The following CDKAL1 variants were observed in gnomAD, a reference collection of about 807,000 sequenced individuals.
CDKAL1 encodes the protein threonylcarbamoyladenosine tRNA methylthiotransferase.
In CDKAL1, 32 loss-of-function variants were observed where a neutral mutation model predicts 68.2. That is an observed-to-expected ratio of 0.47 (90% CI 0.35 to 0.63). The LOEUF (loss-of-function observed/expected upper bound fraction) is 0.63, where lower values mean the gene tolerates loss of function less well. CDKAL1 is among the 30% of genes least tolerant of loss of function. The pLI is 0.00. For synonymous variants in CDKAL1, 234 were observed against 244.3 expected (o/e 0.96, Z 0.39); for missense variants, 606 against 696.7 (o/e 0.87, Z 1.47).
At chr6:21,083,107 C>T (rs894149642) in intron 12 of CDKAL1, among the ~76,000 whole-genome samples, 1 of 152,056 alleles carries the variant, frequency 6.6e-6, no homozygotes, top group Non-Finnish European at 1.5e-5. Context: ...CTCAAGTGAT[C>T]CACTTGCTTC....
chr6:20,797,413 A>G (rs887849907), intron 8 of CDKAL1, among the ~76,000 whole-genome samples: 1 of 152,258 alleles, frequency 6.6e-6, no homozygotes, highest in African/African-American at 2.4e-5. Flanking sequence ...TAAATGGTAC[A>G]GCCATTTGGA....
At chr6:21,184,765 C>T (rs1348843168) in intron 13 of CDKAL1, among the ~76,000 whole-genome samples, 5 of 151,978 alleles carry the variant, frequency 3.3e-5, no homozygotes, top group Non-Finnish European at 7.4e-5. Flanking sequence ...ATCCTCCCAC[C>T]TCAGCCTCTG....
intron 4 of CDKAL1, among the ~76,000 whole-genome samples, chr6:20,568,200 G>C (rs1198219852): frequency 2.0e-5 from 3 of 151,574 alleles, no homozygotes; most frequent in Non-Finnish European, 4.4e-5. Context: ...TAAATTTTTT[G>C]TAGAGACGGA....
At chr6:21,052,773 T>A (rs1390285803) in intron 11 of CDKAL1, among the ~76,000 whole-genome samples, 1 of 151,664 alleles carries the variant, frequency 6.6e-6, no homozygotes, top group African/African-American at 2.4e-5. Flanking sequence ...TCAGGACTTT[T>A]GGAGGCTGAG....
At chr6:20,620,404 G>T (rs1029947459) in intron 4 of CDKAL1, among the ~76,000 whole-genome samples, 7 of 152,102 alleles carry the variant, frequency 4.6e-5, no homozygotes, top group African/African-American at 1.7e-4. Context: ...CAATATGCTG[G>T]ATCTGCTCTT....
At chr6:20,930,901 C>T (rs573215769) in intron 9 of CDKAL1, among the ~76,000 whole-genome samples, 5 of 152,182 alleles carry the variant, frequency 3.3e-5, no homozygotes, top group African/African-American at 9.6e-5. Context: ...CCTGCCACCG[C>T]GCCCGGCTAA....
intron 13 of CDKAL1, among the ~76,000 whole-genome samples, chr6:21,120,182 G>A (rs994485525): frequency 2.6e-5 from 4 of 152,240 alleles, no homozygotes; most frequent in African/African-American, 9.6e-5. Flanking sequence ...ACTAGAGTAA[G>A]ATGCTTACAA....
At position 20,914,624 on chromosome 6, in the gene CDKAL1, T is replaced by C. The variant is rs1219355729; in HGVS notation, c.743-40795T>C. On this transcript the variant is annotated intron_variant, in intron 9 of 15. Coordinates refer to ENST00000274695, the MANE Select transcript of CDKAL1 (RefSeq NM_017774.3). ...AAATTTGTTTTTGAATTTGTGAATG[T>C]CTTTATGGCAGAGATATTAACACTA... Among the ~76,000 whole-genome samples the C allele has an allele frequency of 3.3e-5, 5 of 152,360 alleles. No homozygotes were observed. In the East Asian group the frequency reaches 9.6e-4, roughly 29 times the overall value.
chr6:21,153,226 A>G (rs937737019), intron 13 of CDKAL1, among the ~76,000 whole-genome samples: 13 of 130,008 alleles, frequency 1.0e-4, no homozygotes, highest in African/African-American at 3.5e-4. Flanking sequence ...GGGTAGAGGT[A>G]TGTGATTTCT....
chr6:20,720,227 A>G (rs1331439464), intron 5 of CDKAL1, among the ~76,000 whole-genome samples: 1 of 152,068 alleles, frequency 6.6e-6, no homozygotes. Context: ...ATGCTAATGG[A>G]TACAGGCCCA....
chr6:20,631,030 G>A (rs1383551533), intron 4 of CDKAL1, among the ~76,000 whole-genome samples: 1 of 152,206 alleles, frequency 6.6e-6, no homozygotes, highest in South Asian at 2.1e-4. Context: ...CTTGTGATTT[G>A]TAGGCAAATT....
chr6:21,039,978 CT>C (rs1236751256), intron 11 of CDKAL1, among the ~76,000 whole-genome samples: 1 of 152,216 alleles, frequency 6.6e-6, no homozygotes, highest in Non-Finnish European at 1.5e-5. Context: ...GAACAGCCCC[CT>C]GGTGCAACCC....
chr6:21,197,547 C>T lies in CDKAL1; in HGVS notation c.1300-474C>T, dbSNP rs774352631. 2.0e-5 allele frequency among the ~76,000 whole-genome samples: 3 copies of T among 152,108 alleles called. No homozygotes were observed. In the South Asian group the frequency reaches 6.2e-4, roughly 32 times the overall value. The stretch of plus-strand genomic sequence containing the variant: ...TGCAAGGTCCTAATGACTAGTTTTC[C>T]GAGGCATTTTCTTTAGTGTTACATC... On this transcript the variant is annotated intron_variant, in intron 13 of 15. Transcript: ENST00000274695.
chr6:20,683,498 A>T (rs1193049271), intron 5 of CDKAL1, among the ~76,000 whole-genome samples: 1 of 152,210 alleles, frequency 6.6e-6, no homozygotes, highest in Non-Finnish European at 1.5e-5. Flanking sequence ...TCCTCTTCAA[A>T]ATCGGAATTA....
chr6:20,657,949 C>T (rs1490678732), intron 5 of CDKAL1, among the ~76,000 whole-genome samples: 2 of 152,096 alleles, frequency 1.3e-5, no homozygotes, highest in Non-Finnish European at 2.9e-5. Flanking sequence ...GTCAGTTGCC[C>T]TGGCTTTGTT....
intron 12 of CDKAL1, among the ~76,000 whole-genome samples, chr6:21,103,425 A>G (rs1773682627): frequency 8.5e-6 from 1 of 117,332 alleles, no homozygotes; most frequent in Non-Finnish European, 1.8e-5. Flanking sequence ...AGGAGTTTAA[A>G]CTTGAGTATA....
intron 9 of CDKAL1, among the ~76,000 whole-genome samples, chr6:20,852,916 C>T (rs571562977): frequency 6.6e-6 from 1 of 152,290 alleles, no homozygotes; most frequent in East Asian, 1.9e-4. Flanking sequence ...TTAAGGTATT[C>T]CTGAACACTG....
chr6:21,115,680 A>C (rs879739816), intron 13 of CDKAL1, among the ~76,000 whole-genome samples: 3 of 152,218 alleles, frequency 2.0e-5, no homozygotes, highest in African/African-American at 4.8e-5. Context: ...GAGATTCCCT[A>C]TTGTTTTATT....
At chr6:20,768,134 G>A (rs528671833) in intron 7 of CDKAL1, among the ~76,000 whole-genome samples, 1 of 152,330 alleles carries the variant, frequency 6.6e-6, no homozygotes, top group South Asian at 2.1e-4. Context: ...AGTCAGCGCT[G>A]TGTTGGGTGC....
Sources: gnomAD v4.1 joint callset for allele counts (sites outside exome capture counted in the v4.1 genomes callset) on GRCh38, gnomAD v4.1.1 for gene constraint, MANE v1.5 for transcripts, NCBI Gene and HGNC (gene_info 2026-07-23, HGNC 2026-07-21) for gene names.